USP25: variants seen among roughly 807,000 people sequenced by gnomAD.
USP25 encodes ubiquitin specific peptidase 25.
In USP25, 85 loss-of-function variants were observed where a neutral mutation model predicts 158.5. The ratio of observed to expected loss-of-function variants is 0.54; its 90% CI spans 0.45 to 0.64. The LOEUF is 0.64. Among genes scored for constraint, USP25 ranks in the 30% least tolerant of loss-of-function variants. The pLI, the probability that USP25 is intolerant of heterozygous loss-of-function variation, is 0.00. For missense variants in USP25, 1,242 were observed against 1,327.3 expected, an observed-to-expected ratio of 0.94 and a Z score of 1.00; for synonymous variants, 464 against 460.4, an observed-to-expected ratio of 1.01 and a Z score of -0.10.
rs1305661183 is a variant in USP25, at chr21:15,878,508, C to T, written c.*33C>T. On this transcript the variant is annotated 3_prime_UTR_variant, in exon 26 of 26. Coordinates refer to ENST00000400183, the MANE Select transcript of USP25 (RefSeq NM_001283041.3). ...ACTTTCCCTGAACACACTGTATAAA[C>T]TCTTTTTAGTTCTTAACCCTTGCCT... 1 of 1,591,966 alleles carries T rather than the reference C, an allele frequency of 6.3e-7. No individual in the cohort carries two copies. The highest frequency in any genetic ancestry group is 1.3e-5 in the African/African-American group (1 of 74,324).
intron 20 of USP25, among the ~76,000 whole-genome samples, chr21:15,855,227 G>A (rs997835998): frequency 3.9e-5 from 6 of 151,904 alleles, no homozygotes; most frequent in Admixed American, 6.5e-5. Context: ...TAATACTTTT[G>A]TATTATAAAA....
chr21:15,784,267 G>A (rs979860826), intron 4 of USP25, among the ~76,000 whole-genome samples: 2 of 152,186 alleles, frequency 1.3e-5, no homozygotes, highest in Non-Finnish European at 2.9e-5. Context: ...TAGTGGCTAA[G>A]GAACACATGA....
chr21:15,799,870 A>G, intron 6 of USP25, 27 bp downstream of exon 6: 5 of 1,540,700 alleles, frequency 3.2e-6, no homozygotes, highest in Non-Finnish European at 4.5e-6. Flanking sequence ...TTTTTTAAGC[A>G]GTATATATAC....
intron 3 of USP25, among the ~76,000 whole-genome samples, chr21:15,768,987 A>C (rs1489207369): frequency 6.6e-6 from 1 of 152,104 alleles, no homozygotes; most frequent in African/African-American, 2.4e-5. Context: ...CTTTGTTGAT[A>C]TTAGCTGGAA....
intron 17 of USP25, among the ~76,000 whole-genome samples, chr21:15,834,229 GAA>G (rs2037950234): frequency 6.6e-6 from 1 of 152,078 alleles, no homozygotes; most frequent in Non-Finnish European, 1.5e-5. Flanking sequence ...TAGGAATTAA[GAA>G]AATAGTTTCT....
intron 8 of USP25, 69 bp from the exon 9 acceptor site, chr21:15,811,068 T>C: frequency 7.4e-7 from 1 of 1,354,478 alleles, no homozygotes; most frequent in Non-Finnish European, 1.0e-6. Flanking sequence ...ATGTTATAGT[T>C]CTTTAATATT....
chr21:15,785,490 A>G (rs1194737991), intron 4 of USP25, among the ~76,000 whole-genome samples: 4 of 152,232 alleles, frequency 2.6e-5, no homozygotes, highest in Non-Finnish European at 5.9e-5. Context: ...GATCACAACT[A>G]TATAAAGCTA....
intron 1 of USP25, among the ~76,000 whole-genome samples, chr21:15,741,995 T>C (rs2032100758): frequency 6.6e-6 from 1 of 152,222 alleles, no homozygotes; most frequent in African/African-American, 2.4e-5. Flanking sequence ...CAAAAATAAT[T>C]TCACATTTTA....
At chr21:15,806,781 C>A (rs1212367578) in intron 7 of USP25, among the ~76,000 whole-genome samples, 3 of 152,120 alleles carry the variant, frequency 2.0e-5, no homozygotes, top group Non-Finnish European at 4.4e-5. Flanking sequence ...TAAATGTAAG[C>A]ATCATGATTT....
chr21:15,845,902 T>A (rs1257007140), intron 18 of USP25, among the ~76,000 whole-genome samples: 2 of 151,764 alleles, frequency 1.3e-5, no homozygotes, highest in Non-Finnish European at 2.9e-5. Flanking sequence ...AGGTTAAAAT[T>A]ATTCAAATAT....
At chr21:15,751,943 A>T (rs187267215) in intron 1 of USP25, among the ~76,000 whole-genome samples, 28 of 152,200 alleles carry the variant, frequency 1.8e-4, no homozygotes, top group African/African-American at 5.3e-4. Flanking sequence ...AATTAAAAAA[A>T]TTTTTTTTAA....
chr21:15,836,792 A>C (rs1482102899), intron 17 of USP25, among the ~76,000 whole-genome samples: 10 of 133,848 alleles, frequency 7.5e-5, no homozygotes, highest in East Asian at 2.4e-4. Context: ...AACTTACCTG[A>C]ATACTGTTGT....
Position 15,816,925 on chromosome 21 carries a change from A to T in USP25, c.932-1773A>T, listed in dbSNP as rs550747844. On this transcript the variant is annotated intron_variant, in intron 9 of 25. Transcript: ENST00000400183. The surrounding 1 kb of genome is among the most constrained non-coding windows in gnomAD (Gnocchi z 4.0). ...GGCAGGTGGATCACTTGAGGTCAGGAGTTCGAGACCAGCCTGGCCAACATG... is the reference window on the plus strand; with the variant it reads ...GGCAGGTGGATCACTTGAGGTCAGGTGTTCGAGACCAGCCTGGCCAACATG... 6.6e-6 allele frequency among the ~76,000 whole-genome samples: 1 copy of T among 152,098 alleles called. No homozygotes were observed. Among genetic ancestry groups the T allele is most frequent in the African/African-American group, 2.4e-5 (1 of 41,426 alleles).
chr21:15,849,948 T>C (rs1234675662), intron 20 of USP25, 76 bp downstream of exon 20: 1 of 1,155,784 alleles, frequency 8.7e-7, no homozygotes, highest in Admixed American at 3.1e-5. Flanking sequence ...TTTCTTTGAA[T>C]TCAGTTTGGT....
At chr21:15,842,243 A>G (rs969503834) in intron 17 of USP25, among the ~76,000 whole-genome samples, 155 bp from the exon 18 acceptor site, 11 of 151,330 alleles carry the variant, frequency 7.3e-5, no homozygotes, top group Admixed American at 6.6e-4. Flanking sequence ...AAATTCTGGG[A>G]AGAAGTGCTA....
intron 1 of USP25, among the ~76,000 whole-genome samples, chr21:15,753,491 A>G (rs1159337395): frequency 6.6e-6 from 1 of 152,196 alleles, no homozygotes; most frequent in Non-Finnish European, 1.5e-5. Flanking sequence ...GCAATAGGGA[A>G]TTTCAGTAAT....
rs116667508 is a variant in USP25 at position 15,856,118 on chromosome 21, T to C, written c.2547+6246T>C. Among the ~76,000 whole-genome samples, 361 of 152,340 alleles carry C rather than the reference T, an allele frequency of 2.4e-3. 5 individuals are homozygous for C. Among genetic ancestry groups the C allele is most frequent in the African/African-American group, 8.4e-3 (349 of 41,582 alleles). Reference sequence around the variant, plus strand: ...CCTAAATCCAGGGATGTAGCTGGGATAATGATGGACTGAGTTCCTACCTTA... The same window carrying C: ...CCTAAATCCAGGGATGTAGCTGGGACAATGATGGACTGAGTTCCTACCTTA... On this transcript the variant is annotated intron_variant, in intron 20 of 25. Transcript: ENST00000400183.
chr21:15,826,086 T>C lies in USP25; in HGVS notation c.1305-118T>C, dbSNP rs1024226141. 9.0e-7 allele frequency: 1 copy of C among 1,106,592 alleles called. No individual in the cohort carries two copies. The highest frequency in any genetic ancestry group is 1.6e-5 in the African/African-American group (1 of 63,006). 68.5% of individuals were successfully genotyped at this position (1,106,592 alleles called of 1,614,324 possible). ...TTTACCATCTTCGTTTTAAAGCAAA[T>C]GAATTTTATTGCTGAGGAAGTTTTA... On this transcript the variant is annotated intron_variant, in intron 12 of 25. Coordinates refer to ENST00000400183, the MANE Select transcript of USP25 (RefSeq NM_001283041.3). This position sits in a 1 kb window ranked among gnomAD's most constrained non-coding sequence, Gnocchi z 4.8.
At chr21:15,759,634 A>G (rs961214224) in intron 1 of USP25, among the ~76,000 whole-genome samples, 2 of 152,178 alleles carry the variant, frequency 1.3e-5, no homozygotes, top group Admixed American at 6.5e-5. Flanking sequence ...GTGGAGACCT[A>G]GGTTTTATCA....
Sources: gnomAD v4.1 joint callset for allele counts (sites outside exome capture counted in the v4.1 genomes callset) on GRCh38, gnomAD v4.1.1 for gene constraint, Gnocchi (gnomAD v3.1) non-coding constraint, MANE v1.5 for transcripts, NCBI Gene and HGNC (gene_info 2026-07-23, HGNC 2026-07-21) for gene names.